LRP1B: variants seen among roughly 807,000 people sequenced by gnomAD.
LRP1B encodes the protein low-density lipoprotein receptor-related protein 1B.
Under a neutral mutation model 556.6 loss-of-function variants are expected in LRP1B, and 217 were observed. The observed-to-expected ratio is 0.39, with a 90% CI of 0.35 to 0.44. LRP1B has a LOEUF of 0.44. LRP1B is among the 20% of genes least tolerant of loss of function. The pLI is 1.00. For missense variants in LRP1B, 5,053 were observed against 5,620.8 expected (o/e 0.90, Z 3.23); for synonymous variants, 2,047 against 1,865.8 (o/e 1.10, Z -2.50).
intron 7 of LRP1B, among the ~76,000 whole-genome samples, chr2:141,171,093 C>T (rs1680480470): frequency 6.6e-6 from 1 of 152,074 alleles, no homozygotes; most frequent in African/African-American, 2.4e-5. Context: ...CATATACCTC[C>T]TGTCTTCCTC....
rs548240647 is a variant in LRP1B at position 141,689,482 on chromosome 2, A to C, written c.205+120797T>G. On this transcript the variant is annotated intron_variant, in intron 2 of 90. Transcript: ENST00000389484. ...ATACACATCAATTATAAACACATAC[A>C]TGATTTATATCCTTTAGAGTGTAGC... Among the ~76,000 whole-genome samples, 4 of 151,960 alleles carry C rather than the reference A, an allele frequency of 2.6e-5. No individual in the cohort carries two copies. The South Asian group carries it at 8.3e-4, about 32-fold the overall frequency.
intron 5 of LRP1B, among the ~76,000 whole-genome samples, chr2:141,229,801 C>T (rs753148877): frequency 4.6e-5 from 7 of 152,068 alleles, no homozygotes; most frequent in African/African-American, 9.7e-5. Context: ...GTTACCCTCA[C>T]GAGCAAGGTA....
At chr2:140,333,893 T>A (rs923576345) in intron 79 of LRP1B, among the ~76,000 whole-genome samples, 19 of 151,946 alleles carry the variant, frequency 1.3e-4, no homozygotes, top group African/African-American at 4.3e-4. Flanking sequence ...AGATCTGAAC[T>A]TCTGGGCAGT....
At position 140,461,081 on chromosome 2, in the gene LRP1B, A is replaced by AG. The variant is rs1687296696; in HGVS notation, c.9626-3431_9626-3430insC. On this transcript the variant is annotated intron_variant, in intron 60 of 90. Coordinates refer to ENST00000389484, the MANE Select transcript of LRP1B (RefSeq NM_018557.3). The stretch of plus-strand genomic sequence containing the variant: ...CTGACTCAAAAAAGAAAAAAAAAAA[A>AG]AAAGAAAGAAAGAAAGAAAAAGAAA... Among the ~76,000 whole-genome samples, 3 of 151,688 alleles carry AG rather than the reference A, an allele frequency of 2.0e-5. No homozygotes were observed. In the South Asian group the frequency reaches 6.2e-4, roughly 31 times the overall value.
In LRP1B at chr2:141,254,110, A is replaced by G. The variant is rs756430655; in HGVS notation, c.463+412T>C. Among the ~76,000 whole-genome samples the G allele has an allele frequency of 2.0e-4, 30 of 152,114 alleles. 1 individual carries two copies. The highest frequency in any genetic ancestry group is 3.7e-4 in the Non-Finnish European group (25 of 68,014). On this transcript the variant is annotated intron_variant, in intron 4 of 90. Coordinates refer to ENST00000389484, the MANE Select transcript of LRP1B (RefSeq NM_018557.3). ...ATTACATTATTATTGCTATGGTTAA[A>G]ATGCCAGCTGCCAGAATAACCAATG...
At chr2:141,705,073 CACTT>C (rs961650451) in intron 2 of LRP1B, among the ~76,000 whole-genome samples, 73 of 152,102 alleles carry the variant, frequency 4.8e-4, no homozygotes, top group African/African-American at 1.7e-3. Context: ...AACACCACCT[CACTT>C]AATTCTTATA....
chr2:141,338,436 T>C (rs922265132), intron 3 of LRP1B, among the ~76,000 whole-genome samples: 2 of 152,168 alleles, frequency 1.3e-5, no homozygotes, highest in Admixed American at 6.5e-5. Context: ...CTGTGCTGCA[T>C]TGAGGTCAGG....
chr2:141,592,598 C>T (rs111936861), intron 2 of LRP1B, among the ~76,000 whole-genome samples: 26 of 152,166 alleles, frequency 1.7e-4, no homozygotes, highest in South Asian at 6.2e-4. Flanking sequence ...AAATGATCAC[C>T]GGACACAGAA....
intron 5 of LRP1B, among the ~76,000 whole-genome samples, chr2:141,235,452 G>A (rs776247231): frequency 6.6e-6 from 1 of 152,088 alleles, no homozygotes; most frequent in Non-Finnish European, 1.5e-5. Context: ...GGTTAGATAT[G>A]TCTGCTTAGT....
chr2:141,548,584 G>T (rs1685636293), intron 2 of LRP1B, among the ~76,000 whole-genome samples: 3 of 152,100 alleles, frequency 2.0e-5, no homozygotes, highest in Admixed American at 2.0e-4. Context: ...AAAACTTTCA[G>T]CTCAGTATTT....
rs1019396471 is a variant in LRP1B at position 141,041,902 on chromosome 2, A to G, written c.1789+7084T>C. ...CAACAAATTTTTTTTAAAAAGTAGC[A>G]TCTTCCTCCCATCAAAAATCCTTTC... On this transcript the variant is annotated intron_variant, in intron 11 of 90. Transcript: ENST00000389484. 2.0e-5 allele frequency among the ~76,000 whole-genome samples: 3 copies of G among 152,066 alleles called. 1 individual carries two copies. The South Asian group carries it at 6.2e-4, about 31-fold the overall frequency.
At chr2:141,746,272 T>G (rs1229314348) in intron 2 of LRP1B, among the ~76,000 whole-genome samples, 1 of 152,142 alleles carries the variant, frequency 6.6e-6, no homozygotes, top group Non-Finnish European at 1.5e-5. Context: ...TTTAAGGTCT[T>G]GGAGCAATTT....
chr2:140,271,047 A>C (rs911226078), intron 85 of LRP1B, among the ~76,000 whole-genome samples: 9 of 152,012 alleles, frequency 5.9e-5, no homozygotes, highest in Non-Finnish European at 1.2e-4. Context: ...GTCGCATCAC[A>C]GGTTAGGGAC....
chr2:140,643,137 T>C (rs1684362892), intron 41 of LRP1B, among the ~76,000 whole-genome samples: 1 of 152,156 alleles, frequency 6.6e-6, no homozygotes, highest in Admixed American at 6.5e-5. Flanking sequence ...ATTCTGATTA[T>C]AAAATAAATG....
intron 3 of LRP1B, among the ~76,000 whole-genome samples, chr2:141,347,713 C>A (rs1231752354): frequency 1.3e-5 from 2 of 151,970 alleles, no homozygotes; most frequent in Non-Finnish European, 2.9e-5. Context: ...AATATCATAA[C>A]TACAGTGTAT....
chr2:140,458,315 G>A (rs1451830318), intron 60 of LRP1B, among the ~76,000 whole-genome samples: 3 of 152,084 alleles, frequency 2.0e-5, no homozygotes, highest in Non-Finnish European at 4.4e-5. Context: ...GATTAAAAAT[G>A]TTTTATAATT....
chr2:142,081,518 C>A (rs1385210920), intron 1 of LRP1B, among the ~76,000 whole-genome samples: 1 of 151,782 alleles, frequency 6.6e-6, no homozygotes, highest in African/African-American at 2.4e-5. Flanking sequence ...AGAAAAGAGG[C>A]GTGGATGAAA....
chr2:142,115,546 TATATATATTATATATGTA>T lies in LRP1B; in HGVS notation c.82+15084_82+15101del, dbSNP rs1486857468. ...TATAATATATATATTACATATGTAA[TATATATATTATATATGTA>T]ATATATATTATATATGTAATATATA... On this transcript the variant is annotated intron_variant, in intron 1 of 90. Transcript: ENST00000389484. Among the ~76,000 whole-genome samples the T allele has an allele frequency of 7.8e-4, 29 of 37,276 alleles. 3 individuals are homozygous for T. The highest frequency in any genetic ancestry group is 1.5e-3 in the African/African-American group (19 of 12,498). 24.5% of individuals were successfully genotyped at this position (37,276 alleles called of 152,430 possible).
rs558356702 is a variant in LRP1B, at chr2:140,481,208, C to T, written c.9425+4135G>A. On this transcript the variant is annotated intron_variant, in intron 59 of 90. Transcript: ENST00000389484. ...TAAATCTTTTAAAAAGGATAATTGTCAACATGGAAGAAACTACAGGATTTG... is the reference window on the plus strand; with the variant it reads ...TAAATCTTTTAAAAAGGATAATTGTTAACATGGAAGAAACTACAGGATTTG... Among the ~76,000 whole-genome samples the T allele has an allele frequency of 1.8e-4, 28 of 152,262 alleles. 1 individual carries two copies. The South Asian group carries it at 5.8e-3, about 32-fold the overall frequency.
Sources: allele counts gnomAD v4.1 joint callset (sites outside exome capture counted in the v4.1 genomes callset), GRCh38; gene constraint gnomAD v4.1.1; transcripts MANE v1.5; gene names NCBI Gene and HGNC (gene_info 2026-07-23, HGNC 2026-07-21).